The following TMEM132D variants were observed in gnomAD, a reference collection of about 807,000 sequenced individuals.
TMEM132D encodes the protein transmembrane protein 132D.
Under a neutral mutation model 62.3 loss-of-function variants are expected in TMEM132D, and 21 were observed. The observed-to-expected ratio is 0.34, with a 90% CI of 0.24 to 0.49. The LOEUF is 0.49. Among genes scored for constraint, TMEM132D ranks in the 20% least tolerant of loss-of-function variants. The probability of loss-of-function intolerance (pLI) is 0.99; values close to 1 mark genes in which losing one functional copy is unlikely to be tolerated. For synonymous variants in TMEM132D, 621 were observed against 575.6 expected, an observed-to-expected ratio of 1.08 and a Z score of -1.13; for missense variants, 1,346 against 1,402.8, an observed-to-expected ratio of 0.96 and a Z score of 0.65.
chr12:129,610,255 C>G (rs952023562), intron 2 of TMEM132D, among the ~76,000 whole-genome samples: 10 of 137,452 alleles, frequency 7.3e-5, no homozygotes, highest in Non-Finnish European at 1.5e-4. Flanking sequence ...CCAGCCTGGG[C>G]GACAAGAGCA....
At chr12:129,758,580 A>G (rs1870246723) in intron 1 of TMEM132D, among the ~76,000 whole-genome samples, 1 of 152,192 alleles carries the variant, frequency 6.6e-6, no homozygotes, top group Admixed American at 6.5e-5. Context: ...TGCTCCTAGT[A>G]TACACTTCTT....
intron 3 of TMEM132D, among the ~76,000 whole-genome samples, chr12:129,486,826 G>T (rs34804170): frequency 2.4e-5 from 3 of 126,288 alleles, no homozygotes; most frequent in Non-Finnish European, 4.7e-5. Flanking sequence ...AAGCACATGG[G>T]GGCACCTAGC....
chr12:129,137,474 G>C (rs1449279077), intron 5 of TMEM132D, among the ~76,000 whole-genome samples: 1 of 152,124 alleles, frequency 6.6e-6, no homozygotes, highest in Non-Finnish European at 1.5e-5. Context: ...GGTGGTAAGC[G>C]GTTAAATTAG....
chr12:129,367,942 C>T (rs750608753), intron 3 of TMEM132D, among the ~76,000 whole-genome samples: 13 of 151,900 alleles, frequency 8.6e-5, no homozygotes, highest in Admixed American at 2.0e-4. Context: ...CCTGCCACCA[C>T]GCCTGGCTAA....
At chr12:129,789,124 T>G (rs1283339806) in intron 1 of TMEM132D, among the ~76,000 whole-genome samples, 7 of 152,122 alleles carry the variant, frequency 4.6e-5, no homozygotes, top group Non-Finnish European at 8.8e-5. Flanking sequence ...CATGGATAAG[T>G]TCTTTAGCGG....
intron 1 of TMEM132D, among the ~76,000 whole-genome samples, chr12:129,862,869 A>G (rs1256320914): frequency 7.2e-6 from 1 of 138,724 alleles, no homozygotes; most frequent in Admixed American, 7.2e-5. Context: ...GAGCTTAGTT[A>G]AAAAAAAAAA....
At chr12:129,809,595 C>G (rs571967745) in intron 1 of TMEM132D, among the ~76,000 whole-genome samples, 1 of 152,226 alleles carries the variant, frequency 6.6e-6, no homozygotes, top group African/African-American at 2.4e-5. Context: ...TTATCAAGTC[C>G]TTTGTTTTTG....
intron 4 of TMEM132D, among the ~76,000 whole-genome samples, chr12:129,328,901 C>T (rs1276751859): frequency 1.3e-5 from 2 of 151,684 alleles, no homozygotes; most frequent in East Asian, 1.9e-4. Context: ...TGGCCTCATC[C>T]ATCTGTGAAA....
intron 3 of TMEM132D, among the ~76,000 whole-genome samples, chr12:129,435,386 G>T (rs567727512): frequency 6.6e-6 from 1 of 152,094 alleles, no homozygotes; most frequent in East Asian, 1.9e-4. Context: ...ATTTTTTAAG[G>T]TGCCTACATA....
At chr12:129,514,173 G>C (rs1875606387) in intron 3 of TMEM132D, among the ~76,000 whole-genome samples, 1 of 151,952 alleles carries the variant, frequency 6.6e-6, no homozygotes, top group African/African-American at 2.4e-5. Context: ...ATTTTGATGG[G>C]TGCAAACAAA....
chr12:129,084,468 C>T (rs2135619335), intron 6 of TMEM132D, 29 bp downstream of exon 6: 1 of 1,560,026 alleles, frequency 6.4e-7, no homozygotes, highest in African/African-American at 1.4e-5. Context: ...CCTCCTTAGC[C>T]TGCCATGGAG....
At chr12:129,894,009 G>C (rs754320793) in intron 1 of TMEM132D, among the ~76,000 whole-genome samples, 60 of 152,238 alleles carry the variant, frequency 3.9e-4, no homozygotes, top group Non-Finnish European at 8.2e-4. Context: ...ACCAGCATCA[G>C]ATGAGGCTGG....
chr12:129,476,103 T>C (rs1412473231), intron 3 of TMEM132D, among the ~76,000 whole-genome samples: 1 of 151,874 alleles, frequency 6.6e-6, no homozygotes, highest in Non-Finnish European at 1.5e-5. Flanking sequence ...CTGTGGGGGG[T>C]TTAGTATCCC....
At position 129,648,675 on chromosome 12, in the gene TMEM132D, T is replaced by C. The variant is rs148881606; in HGVS notation, c.968+51135A>G. On this transcript the variant is annotated intron_variant, in intron 2 of 8. Transcript: ENST00000422113. ...TAATAATGTATCTATGTTCAATTGG[T>C]ATACAAGTCAATTTTATTGGCAACA... Among the ~76,000 whole-genome samples the C allele has an allele frequency of 3.9e-3, 588 of 152,346 alleles. 4 individuals carry two copies. Among genetic ancestry groups the C allele is most frequent in the African/African-American group, 0.013 (557 of 41,572 alleles).
chr12:129,569,990 G>A (rs1393959005), intron 2 of TMEM132D, among the ~76,000 whole-genome samples: 2 of 152,184 alleles, frequency 1.3e-5, no homozygotes, highest in Admixed American at 6.5e-5. Flanking sequence ...AAAGCCAGCT[G>A]TTTCTTCAAT....
At chr12:129,786,550 T>A (rs1325952668) in intron 1 of TMEM132D, among the ~76,000 whole-genome samples, 2 of 152,176 alleles carry the variant, frequency 1.3e-5, no homozygotes, top group Non-Finnish European at 2.9e-5. Flanking sequence ...TCCAGGGGCA[T>A]GAAATGCTCT....
At chr12:129,150,603 C>G (rs1877043987) in intron 5 of TMEM132D, among the ~76,000 whole-genome samples, 1 of 152,316 alleles carries the variant, frequency 6.6e-6, no homozygotes, top group Admixed American at 6.5e-5. Flanking sequence ...ACCCAGGTGA[C>G]CAGCAGGAGG....
At chr12:129,573,040 C>A (rs61943481) in intron 2 of TMEM132D, among the ~76,000 whole-genome samples, 5,826 of 152,176 alleles carry the variant, frequency 0.038, 160 homozygotes, top group Non-Finnish European at 0.049. Context: ...TACTCATATG[C>A]TATACAAATA....
rs144267550 is a variant in TMEM132D at position 129,084,579 on chromosome 12, G to C, written c.1567C>G (p.Arg523Gly). 1.2e-6 allele frequency: 2 copies of C among 1,614,000 alleles called. No homozygotes were observed. Among genetic ancestry groups the C allele is most frequent in the Non-Finnish European group, 1.7e-6 (2 of 1,179,964 alleles). Reference protein sequence around the residue: ...SPLEMTVWVPRLPLQIEVSDT... With the variant: ...SPLEMTVWVPGLPLQIEVSDT... ...GAGACCTCGATCTGCAGCGGAAGCCGGGGCACCCACACCGTCATCTCCAGG... is the reference window on the plus strand; with the variant it reads ...GAGACCTCGATCTGCAGCGGAAGCCCGGGCACCCACACCGTCATCTCCAGG... The change falls in exon 6 of 9, where the codon CGG (arginine) becomes GGG (glycine). Residue 523 changes from arginine to glycine, a missense_variant. Coordinates refer to ENST00000422113, the MANE Select transcript of TMEM132D (RefSeq NM_133448.3).
Sources: gnomAD v4.1 joint callset for allele counts (sites outside exome capture counted in the v4.1 genomes callset) on GRCh38, gnomAD v4.1.1 for gene constraint, MANE v1.5 for transcripts, NCBI Gene and HGNC (gene_info 2026-07-23, HGNC 2026-07-21) for gene names.